GGNBP2: variants seen among roughly 807,000 people sequenced by gnomAD.
The protein encoded by GGNBP2 is gametogenetin binding protein 2.
GGNBP2 carries 10 observed loss-of-function variants against 85.9 expected under a neutral mutation model. The observed-to-expected ratio is 0.12, with a 90% CI of 0.07 to 0.20. The LOEUF is 0.20. GGNBP2 is among the 10% of genes least tolerant of loss of function. GGNBP2 has a pLI of 1.00. For missense variants in GGNBP2, 595 were observed against 857.8 expected, an observed-to-expected ratio of 0.69 and a Z score of 3.83; for synonymous variants, 287 against 285.7, an observed-to-expected ratio of 1.00 and a Z score of -0.05.
At chr17:36,582,805 C>T (rs1437663697) in intron 9 of GGNBP2, among the ~76,000 whole-genome samples, 1 of 152,100 alleles carries the variant, frequency 6.6e-6, no homozygotes, top group African/African-American at 2.4e-5. Context: ...AGTTTTTGGT[C>T]TTAGGATCCC....
At chr17:36,556,895 T>C (rs945668417) in intron 3 of GGNBP2, among the ~76,000 whole-genome samples, 188 bp from the exon 4 acceptor site, 1 of 150,578 alleles carries the variant, frequency 6.6e-6, no homozygotes, top group Admixed American at 6.7e-5. Context: ...AGCAAGGGGG[T>C]TTGTGGAGGA....
intron 4 of GGNBP2, among the ~76,000 whole-genome samples, 159 bp from the exon 5 acceptor site, chr17:36,560,613 TA>T (rs10707226): frequency 0.56 from 85,806 of 151,950 alleles, 24,613 homozygotes; most frequent in African/African-American, 0.64. Context: ...AGTGTTGAAA[TA>T]ACGTGAGTGC....
chr17:36,580,234 G>A (rs2074633927), intron 8 of GGNBP2, among the ~76,000 whole-genome samples: 2 of 146,510 alleles, frequency 1.4e-5, no homozygotes, highest in South Asian at 4.3e-4. Flanking sequence ...TTGAGACGGA[G>A]CCTCGCTCTG....
chr17:36,586,935 T>A lies in GGNBP2; in HGVS notation c.1642-62T>A, dbSNP rs201592360. ...TGCCCCGCTTTTTTTTTTTTTTTTT[T>A]AAAGAATAATTGCTATTATATCATG... On this transcript the variant is annotated intron_variant, in intron 12 of 13. Coordinates refer to ENST00000613102, the MANE Select transcript of GGNBP2 (RefSeq NM_024835.5). 182 of 1,215,396 alleles carry A rather than the reference T, an allele frequency of 1.5e-4. No homozygotes were observed. Among genetic ancestry groups the A allele is most frequent in the African/African-American group, 6.6e-4 (40 of 60,854 alleles). 75.3% of individuals were successfully genotyped at this position (1,215,396 alleles called of 1,614,324 possible). A position where few individuals can be genotyped will look rare whatever the true frequency, so the allele number is the denominator to read the frequency against.
At chr17:36,576,064 G>A (rs966443663) in intron 6 of GGNBP2, among the ~76,000 whole-genome samples, 7 of 148,436 alleles carry the variant, frequency 4.7e-5, no homozygotes, top group South Asian at 2.2e-4. Context: ...TAGGCCGGGC[G>A]TGGTGGCTGA....
chr17:36,563,180 C>T (rs1009655261), intron 5 of GGNBP2, among the ~76,000 whole-genome samples: 1 of 151,792 alleles, frequency 6.6e-6, no homozygotes, highest in Admixed American at 6.6e-5. Context: ...GCAGGAGAAT[C>T]GCTTGAATCC....
chr17:36,559,633 A>AT (rs1483124722), intron 4 of GGNBP2, among the ~76,000 whole-genome samples: 1 of 152,176 alleles, frequency 6.6e-6, no homozygotes, highest in Non-Finnish European at 1.5e-5. Context: ...AATCTGATTC[A>AT]TATTTTAAAA....
chr17:36,585,191 G>A, intron 9 of GGNBP2, 109 bp from the exon 10 acceptor site: 3 of 921,292 alleles, frequency 3.3e-6, no homozygotes, highest in Non-Finnish European at 5.1e-6. Flanking sequence ...TCAGTACAGT[G>A]AAAATGCCAC....
chr17:36,557,007 T>C (rs1193413305), intron 3 of GGNBP2, 76 bp from the exon 4 acceptor site: 1 of 1,557,742 alleles, frequency 6.4e-7, no homozygotes, highest in African/African-American at 1.4e-5. Context: ...TGCACAAGGA[T>C]AGGAACCAGT....
intron 2 of GGNBP2, 57 bp downstream of exon 2, chr17:36,545,874 T>C (rs1567813929): frequency 6.6e-6 from 8 of 1,221,128 alleles, no homozygotes; most frequent in South Asian, 1.3e-5. Context: ...TTTCCCCTCC[T>C]CCCCCTCCCC....
intron 4 of GGNBP2, among the ~76,000 whole-genome samples, chr17:36,557,633 C>T (rs1201998368): frequency 6.6e-6 from 1 of 152,036 alleles, no homozygotes; most frequent in Non-Finnish European, 1.5e-5. Flanking sequence ...GATAAAATGA[C>T]ATTGAATATA....
chr17:36,571,001 CAG>C (rs2074518618), intron 6 of GGNBP2, among the ~76,000 whole-genome samples: 1 of 152,170 alleles, frequency 6.6e-6, no homozygotes, highest in Non-Finnish European at 1.5e-5. Context: ...GCCTGGGTGA[CAG>C]AGTGAGACTC....
At chr17:36,586,544 C>T in intron 12 of GGNBP2, 1 of 292,876 alleles carries the variant, frequency 3.4e-6, no homozygotes, top group South Asian at 4.9e-5. Flanking sequence ...GTGTCTAGTA[C>T]ATAGTAAGTG....
At chr17:36,548,274 G>C (rs970227341) in intron 2 of GGNBP2, among the ~76,000 whole-genome samples, 2 of 152,154 alleles carry the variant, frequency 1.3e-5, no homozygotes, top group African/African-American at 4.8e-5. Flanking sequence ...TAAACTGGCA[G>C]TTGTAATTTG....
At chr17:36,570,609 A>G (rs551075613) in intron 6 of GGNBP2, among the ~76,000 whole-genome samples, 1 of 152,334 alleles carries the variant, frequency 6.6e-6, no homozygotes, top group South Asian at 2.1e-4. Flanking sequence ...CTGAGGCAGG[A>G]GAATCGCTTG....
At chr17:36,567,197 C>G (rs1391913293) in intron 5 of GGNBP2, among the ~76,000 whole-genome samples, 1 of 151,522 alleles carries the variant, frequency 6.6e-6, no homozygotes, top group African/African-American at 2.4e-5. Context: ...ACCAGTTGCT[C>G]TCTTGATAAC....
At chr17:36,553,923 T>G (rs981602780) in intron 2 of GGNBP2, among the ~76,000 whole-genome samples, 1 of 152,212 alleles carries the variant, frequency 6.6e-6, no homozygotes, top group Admixed American at 6.5e-5. Flanking sequence ...TAGTGAAGCC[T>G]CCTTAAGTTT....
intron 6 of GGNBP2, among the ~76,000 whole-genome samples, chr17:36,572,912 A>G (rs1555607068): frequency 6.6e-6 from 1 of 152,158 alleles, no homozygotes; most frequent in African/African-American, 2.4e-5. Context: ...TAGCTCATAT[A>G]AATGGGATAA....
At chr17:36,579,677 G>T (rs1440198647) in intron 8 of GGNBP2, among the ~76,000 whole-genome samples, 1 of 152,188 alleles carries the variant, frequency 6.6e-6, no homozygotes, top group African/African-American at 2.4e-5. Context: ...CTTTCTCAGA[G>T]TAGAAAACTG....
Sources: gnomAD v4.1 joint callset for allele counts (sites outside exome capture counted in the v4.1 genomes callset) on GRCh38, gnomAD v4.1.1 for gene constraint, MANE v1.5 for transcripts, NCBI Gene and HGNC (gene_info 2026-07-23, HGNC 2026-07-21) for gene names.